The following OPCML variants were observed in gnomAD, a reference collection of about 807,000 sequenced individuals.
OPCML encodes opioid-binding protein/cell adhesion molecule.
OPCML carries 13 observed loss-of-function variants against 37.8 expected under a neutral mutation model. The observed-to-expected ratio is 0.34, with a 90% CI of 0.22 to 0.55. OPCML has a LOEUF of 0.55. OPCML is among the 20% of genes least tolerant of loss of function. The pLI is 0.91. For missense variants in OPCML, 341 were observed against 435.6 expected (o/e 0.78, Z 1.93); for synonymous variants, 176 against 168.8 (o/e 1.04, Z -0.33).
At chr11:133,250,458 G>A (rs1256095835) in intron 1 of OPCML, among the ~76,000 whole-genome samples, 1 of 136,176 alleles carries the variant, frequency 7.3e-6, no homozygotes, top group African/African-American at 2.7e-5. Flanking sequence ...AAGGAAGGAA[G>A]GAAAGATGGA....
At chr11:132,737,967 C>T (rs986805191) in intron 2 of OPCML, among the ~76,000 whole-genome samples, 8 of 152,122 alleles carry the variant, frequency 5.3e-5, no homozygotes, top group Admixed American at 3.3e-4. Flanking sequence ...CTCTATAAAT[C>T]GCCCCCAGTC....
intron 1 of OPCML, among the ~76,000 whole-genome samples, chr11:133,046,094 G>T (rs909155807): frequency 4.6e-5 from 7 of 152,184 alleles, no homozygotes; most frequent in African/African-American, 1.7e-4. Context: ...GGAGACACCA[G>T]CCCGAGATTC....
intron 1 of OPCML, among the ~76,000 whole-genome samples, chr11:132,988,378 A>G (rs191867739): frequency 2.0e-3 from 311 of 152,304 alleles, no homozygotes; most frequent in African/African-American, 6.8e-3. Context: ...GTAGCCCTAT[A>G]TGCTTTTTCC....
chr11:133,228,593 C>T (rs1330576014), intron 1 of OPCML, among the ~76,000 whole-genome samples: 2 of 152,224 alleles, frequency 1.3e-5, no homozygotes, highest in African/African-American at 4.8e-5. Flanking sequence ...CTGCGCCCTG[C>T]CGGGCCTCCC....
intron 4 of OPCML, among the ~76,000 whole-genome samples, chr11:132,452,926 C>T (rs1323114961): frequency 6.6e-6 from 1 of 152,186 alleles, no homozygotes; most frequent in Non-Finnish European, 1.5e-5. Flanking sequence ...TACCACCCCT[C>T]CTCCTTTCCC....
At chr11:133,059,635 C>G (rs1339206848) in intron 1 of OPCML, among the ~76,000 whole-genome samples, 1 of 152,176 alleles carries the variant, frequency 6.6e-6, no homozygotes, top group Non-Finnish European at 1.5e-5. Context: ...ATTTTTAAAA[C>G]TTTGCCTGGT....
chr11:132,839,350 G>A (rs767878735), intron 2 of OPCML, among the ~76,000 whole-genome samples: 13 of 152,184 alleles, frequency 8.5e-5, no homozygotes, highest in African/African-American at 3.1e-4. Flanking sequence ...TTCATTGACT[G>A]GAGCTGGTGA....
chr11:132,499,507 A>G (rs551314732), intron 4 of OPCML, among the ~76,000 whole-genome samples: 1 of 152,342 alleles, frequency 6.6e-6, no homozygotes, highest in East Asian at 1.9e-4. Context: ...GCTCAAGCTG[A>G]AAACCACTCA....
At chr11:133,259,231 CAT>C (rs1941416959) in intron 1 of OPCML, among the ~76,000 whole-genome samples, 1 of 152,128 alleles carries the variant, frequency 6.6e-6, no homozygotes, top group Non-Finnish European at 1.5e-5. Flanking sequence ...TAAACATTTT[CAT>C]AAGTTAGGAT....
chr11:133,407,605 C>A (rs936808589), intron 1 of OPCML, among the ~76,000 whole-genome samples: 5 of 152,094 alleles, frequency 3.3e-5, no homozygotes, highest in Non-Finnish European at 7.4e-5. Flanking sequence ...GGGTTGCCAC[C>A]CAATGCAAAC....
At chr11:133,227,995 G>A (rs1327602822) in intron 1 of OPCML, among the ~76,000 whole-genome samples, 1 of 152,184 alleles carries the variant, frequency 6.6e-6, no homozygotes, top group Non-Finnish European at 1.5e-5. Flanking sequence ...GGGAACCTGG[G>A]GACTCTGCCC....
intron 3 of OPCML, among the ~76,000 whole-genome samples, chr11:132,599,813 T>C (rs974008840): frequency 6.6e-6 from 1 of 152,236 alleles, no homozygotes; most frequent in Non-Finnish European, 1.5e-5. Context: ...ATTCTTTTTA[T>C]CTGCAGTATA....
In OPCML at chr11:133,205,549, A is replaced by T. The variant is rs1276938514; in HGVS notation, c.62-262539T>A. On this transcript the variant is annotated intron_variant, in intron 1 of 7. Transcript: ENST00000524381. This position sits in a 1 kb window ranked among gnomAD's most constrained non-coding sequence, Gnocchi z 4.8. Reference sequence around the variant, plus strand: ...GCTGAGCCTCACCCTATGGGGACTGACGCCGTCTCCAGGTAGACAGTGTCA... The same window carrying T: ...GCTGAGCCTCACCCTATGGGGACTGTCGCCGTCTCCAGGTAGACAGTGTCA... 6.6e-6 allele frequency among the ~76,000 whole-genome samples: 1 copy of T among 152,186 alleles called. No homozygotes were observed. The highest frequency in any genetic ancestry group is 1.5e-5 in the Non-Finnish European group (1 of 68,042).
chr11:133,350,979 G>C (rs1944123621), intron 1 of OPCML, among the ~76,000 whole-genome samples: 1 of 152,094 alleles, frequency 6.6e-6, no homozygotes, highest in South Asian at 2.1e-4. Flanking sequence ...AGGAAGGAGT[G>C]GGGTTTTAAT....
chr11:133,392,963 G>A (rs1212468784), intron 1 of OPCML, among the ~76,000 whole-genome samples: 2 of 151,920 alleles, frequency 1.3e-5, no homozygotes, highest in African/African-American at 4.8e-5. Context: ...GTCCCAGTGA[G>A]GTTGAAGGTG....
intron 7 of OPCML, among the ~76,000 whole-genome samples, chr11:132,421,284 A>T (rs945077304): frequency 1.3e-5 from 2 of 152,202 alleles, no homozygotes; most frequent in South Asian, 4.1e-4. Context: ...CAAGGGATTA[A>T]AAGCCATTAC....
intron 2 of OPCML, among the ~76,000 whole-genome samples, chr11:132,867,215 A>G (rs1381494125): frequency 6.6e-6 from 1 of 152,212 alleles, no homozygotes; most frequent in African/African-American, 2.4e-5. Context: ...TTTATTTTGC[A>G]TCTGACGTCT....
At chr11:132,465,431 T>C (rs1180809945) in intron 4 of OPCML, among the ~76,000 whole-genome samples, 2 of 152,212 alleles carry the variant, frequency 1.3e-5, no homozygotes, top group African/African-American at 4.8e-5. Flanking sequence ...TAATTTGCAA[T>C]GAATTGATTT....
Position 132,539,794 on chromosome 11 carries a change from C to T in OPCML, c.380-10608G>A, listed in dbSNP as rs141959249. Among the ~76,000 whole-genome samples, 554 of 151,218 alleles carry T rather than the reference C, an allele frequency of 3.7e-3. 2 individuals carry two copies. The highest frequency in any genetic ancestry group is 5.6e-3 in the Non-Finnish European group (378 of 67,858). On this transcript the variant is annotated intron_variant, in intron 3 of 7. Coordinates refer to ENST00000524381, the MANE Select transcript of OPCML (RefSeq NM_001012393.5). ...ACGACAGTGATGACAATAGTAATGACGGTAATGATGATGGTGATAGATGCT... is the reference window on the plus strand; with the variant it reads ...ACGACAGTGATGACAATAGTAATGATGGTAATGATGATGGTGATAGATGCT...
Sources: allele counts gnomAD v4.1 joint callset (sites outside exome capture counted in the v4.1 genomes callset), GRCh38; gene constraint gnomAD v4.1.1; non-coding constraint Gnocchi (gnomAD v3.1); transcripts MANE v1.5; gene names NCBI Gene and HGNC (gene_info 2026-07-23, HGNC 2026-07-21).